The following ARL15 variants were observed in gnomAD, a reference collection of about 807,000 sequenced individuals.
The protein encoded by ARL15 is ADP-ribosylation factor-like protein 15.
ARL15 carries 19 observed loss-of-function variants against 25.2 expected under a neutral mutation model. The observed-to-expected ratio is 0.75, with a 90% CI of 0.53 to 1.10. ARL15 has a LOEUF of 1.10. Among genes scored for constraint, ARL15 ranks in the 50% least tolerant of loss-of-function variants. ARL15 has a pLI of 0.00. For missense variants in ARL15, 220 were observed against 246.0 expected (o/e 0.89, Z 0.71); for synonymous variants, 94 against 86.8 (o/e 1.08, Z -0.46).
intron 2 of ARL15, among the ~76,000 whole-genome samples, chr5:54,163,386 T>C (rs1579862777): frequency 9.0e-6 from 1 of 111,050 alleles, no homozygotes; most frequent in Non-Finnish European, 1.9e-5. Flanking sequence ...TTTTTTTTTT[T>C]TTTTTTTTGT....
At chr5:54,222,983 A>ATTTT (rs35959438) in intron 1 of ARL15, among the ~76,000 whole-genome samples, 2 of 127,110 alleles carry the variant, frequency 1.6e-5, no homozygotes, top group African/African-American at 6.0e-5. Flanking sequence ...CTATGCCTGG[A>ATTTT]TTTTTTTTTT....
At chr5:53,929,727 T>C (rs766082138) in intron 4 of ARL15, among the ~76,000 whole-genome samples, 1 of 152,246 alleles carries the variant, frequency 6.6e-6, no homozygotes, top group South Asian at 2.1e-4. Flanking sequence ...CTACCATAAA[T>C]GTGTGGTTCA....
At chr5:54,024,577 T>C (rs1051850708) in intron 4 of ARL15, among the ~76,000 whole-genome samples, 13 of 152,198 alleles carry the variant, frequency 8.5e-5, no homozygotes, top group African/African-American at 2.9e-4. Context: ...AGGAATAAGA[T>C]GTATAATGAG....
At chr5:54,117,649 A>G (rs767178071) in intron 3 of ARL15, among the ~76,000 whole-genome samples, 2 of 152,196 alleles carry the variant, frequency 1.3e-5, no homozygotes, top group Non-Finnish European at 2.9e-5. Context: ...ATACCAAAGT[A>G]GACAGTTGAT....
chr5:54,070,845 C>T (rs1017392977), intron 4 of ARL15, among the ~76,000 whole-genome samples: 3 of 151,026 alleles, frequency 2.0e-5, no homozygotes, highest in Non-Finnish European at 2.9e-5. Context: ...GAGACTTTGT[C>T]TCAAAGGAAA....
intron 4 of ARL15, among the ~76,000 whole-genome samples, chr5:54,109,785 G>A (rs959871600): frequency 2.0e-5 from 3 of 151,744 alleles, no homozygotes; most frequent in East Asian, 1.9e-4. Context: ...AATTTTTCTC[G>A]AATGCTTTCT....
chr5:54,204,949 C>A (rs1409818708), intron 1 of ARL15, among the ~76,000 whole-genome samples: 2 of 42,912 alleles, frequency 4.7e-5, no homozygotes, highest in Admixed American at 2.4e-4. Context: ...TTTTTTTTTC[C>A]TTGAGATGGA....
chr5:54,190,392 CAAA>C (rs35551500), intron 1 of ARL15, among the ~76,000 whole-genome samples: 1 of 120,038 alleles, frequency 8.3e-6, no homozygotes, highest in Non-Finnish European at 1.8e-5. Flanking sequence ...GACGTTGTCT[CAAA>C]AAAAAAAAAA....
chr5:54,150,470 C>T (rs1348298971), intron 3 of ARL15, among the ~76,000 whole-genome samples: 1 of 152,110 alleles, frequency 6.6e-6, no homozygotes, highest in East Asian at 1.9e-4. Flanking sequence ...CTATAAATGT[C>T]TTTGAGCAGA....
intron 1 of ARL15, among the ~76,000 whole-genome samples, chr5:54,292,438 T>A (rs561979153): frequency 1.3e-5 from 2 of 152,156 alleles, no homozygotes; most frequent in African/African-American, 2.4e-5. Flanking sequence ...CCACCTGTTA[T>A]CAGCAAGCGG....
At chr5:53,927,452 A>G (rs1379628950) in intron 4 of ARL15, among the ~76,000 whole-genome samples, 1 of 152,096 alleles carries the variant, frequency 6.6e-6, no homozygotes, top group African/African-American at 2.4e-5. Flanking sequence ...TGGCTCTGTT[A>G]TTTCCTGCTT....
intron 1 of ARL15, among the ~76,000 whole-genome samples, chr5:54,270,817 G>A (rs1757764727): frequency 6.6e-6 from 1 of 152,216 alleles, no homozygotes; most frequent in African/African-American, 2.4e-5. Context: ...GTAAGGCATT[G>A]TTTTGGAATG....
rs114913489 is a variant in ARL15 at position 53,919,354 on chromosome 5, A to T, written c.463-32641T>A. Among the ~76,000 whole-genome samples the T allele has an allele frequency of 7.9e-3, 1,209 of 152,282 alleles. 22 individuals are homozygous for T. The highest frequency in any genetic ancestry group is 0.028 in the African/African-American group (1,176 of 41,570). On this transcript the variant is annotated intron_variant, in intron 4 of 4. Transcript: ENST00000504924. ...AGAATGGTTTGCAGAACCGTAAATAATCATGGTAGAATCTACAAATGTAAC... is the reference window on the plus strand; with the variant it reads ...AGAATGGTTTGCAGAACCGTAAATATTCATGGTAGAATCTACAAATGTAAC...
In ARL15 at chr5:54,154,571, A is replaced by T. The variant is rs1270857782; in HGVS notation, c.253+9T>A. 35 of 1,507,240 alleles carry T rather than the reference A, an allele frequency of 2.3e-5. No homozygotes were observed. Among genetic ancestry groups the T allele is most frequent in the Non-Finnish European group, 3.1e-5 (35 of 1,124,846 alleles). 93.4% of individuals were successfully genotyped at this position (1,507,240 alleles called of 1,614,324 possible). ...AGGGCAGACATAGAAATGATTTGAAATGTTATACCTCCAAGTTCTTTTACA... is the reference window on the plus strand; with the variant it reads ...AGGGCAGACATAGAAATGATTTGAATTGTTATACCTCCAAGTTCTTTTACA... On this transcript the variant is annotated intron_variant, in intron 3 of 4. Transcript: ENST00000504924.
chr5:54,029,351 C>CACCACCACT (rs1293671097), intron 4 of ARL15, among the ~76,000 whole-genome samples: 1 of 135,740 alleles, frequency 7.4e-6, no homozygotes, highest in Non-Finnish European at 1.6e-5. Context: ...CCACCACCAC[C>CACCACCACT]ACCACCACCA....
At chr5:54,215,181 A>G (rs754631877) in intron 1 of ARL15, among the ~76,000 whole-genome samples, 9 of 152,064 alleles carry the variant, frequency 5.9e-5, no homozygotes, top group Non-Finnish European at 8.8e-5. Flanking sequence ...TTTCATTCAG[A>G]AACAGCTCAC....
chr5:54,000,773 T>G (rs917608316), intron 4 of ARL15, among the ~76,000 whole-genome samples: 2 of 152,158 alleles, frequency 1.3e-5, no homozygotes, highest in African/African-American at 4.8e-5. Context: ...TCCATTTTGA[T>G]CTGTACAAAC....
At chr5:53,900,214 C>T (rs1028948410) in intron 4 of ARL15, among the ~76,000 whole-genome samples, 4 of 152,076 alleles carry the variant, frequency 2.6e-5, no homozygotes, top group African/African-American at 9.7e-5. Flanking sequence ...AGGTAGTCTC[C>T]GCAGGATACA....
At position 54,132,926 on chromosome 5, in the gene ARL15, T is replaced by A. The variant is rs558787733; in HGVS notation, c.254-19516A>T. ...CTTGTGGTATGGTACCATTTTTCAC[T>A]TATCCAACTGCCTAAAAAAATCTAA... On this transcript the variant is annotated intron_variant, in intron 3 of 4. Transcript: ENST00000504924. 3.9e-5 allele frequency among the ~76,000 whole-genome samples: 6 copies of A among 152,272 alleles called. No homozygotes were observed. In the South Asian group the frequency reaches 1.2e-3, roughly 32 times the overall value.
Sources: gnomAD v4.1 joint callset for allele counts (sites outside exome capture counted in the v4.1 genomes callset) on GRCh38, gnomAD v4.1.1 for gene constraint, MANE v1.5 for transcripts, NCBI Gene and HGNC (gene_info 2026-07-23, HGNC 2026-07-21) for gene names.